The following AKR1C2 variants were observed in gnomAD, a reference collection of about 807,000 sequenced individuals.
AKR1C2 encodes 3-alpha-HSD3.
AKR1C2 carries 27 observed loss-of-function variants against 39.8 expected under a neutral mutation model. The ratio of observed to expected loss-of-function variants is 0.68; its 90% CI spans 0.50 to 0.93. AKR1C2 has a LOEUF of 0.93. Among genes scored for constraint, AKR1C2 ranks in the 40% least tolerant of loss-of-function variants. The pLI is 0.00. For missense variants in AKR1C2, 263 were observed against 365.1 expected, an observed-to-expected ratio of 0.72 and a Z score of 2.28; for synonymous variants, 114 against 137.9, an observed-to-expected ratio of 0.83 and a Z score of 1.22.
chr10:4,994,640 C>T (rs1365175560), intron 7 of AKR1C2, among the ~76,000 whole-genome samples: 2 of 151,624 alleles, frequency 1.3e-5, no homozygotes, highest in Non-Finnish European at 2.9e-5. Flanking sequence ...GGGGCACTCA[C>T]ACAGATGCCC....
At chr10:4,999,125 T>G (rs1554773505) in intron 4 of AKR1C2, 75 bp downstream of exon 4, 1 of 1,357,948 alleles carries the variant, frequency 7.4e-7, no homozygotes, top group African/African-American at 1.5e-5. Context: ...TTTTCCATAC[T>G]TGTACTAAGA....
upstream of AKR1C2, among the ~76,000 whole-genome samples, chr10:5,007,886 G>C (rs1447750355): frequency 6.6e-6 from 1 of 151,492 alleles, no homozygotes; most frequent in Non-Finnish European, 1.5e-5. Context: ...AGAAGAGGAA[G>C]AGGCTTCATG....
upstream of AKR1C2, among the ~76,000 whole-genome samples, chr10:5,007,754 G>A (rs1443816364): frequency 6.6e-6 from 1 of 151,502 alleles, no homozygotes; most frequent in Non-Finnish European, 1.5e-5. Context: ...TGAGATCCAA[G>A]AAAAATTTCT....
At chr10:5,009,147 A>G (rs1462267263) in intron 1 of AKR1C2, among the ~76,000 whole-genome samples, 1 of 152,178 alleles carries the variant, frequency 6.6e-6, no homozygotes, top group Non-Finnish European at 1.5e-5. Flanking sequence ...GAGATGCCTA[A>G]AGCAATATGT....
At position 5,000,681 on chromosome 10, in the gene AKR1C2, G is replaced by A. The variant is rs2131700805; in HGVS notation, c.253-15C>T. 3.1e-6 allele frequency: 5 copies of A among 1,604,540 alleles called. No individual in the cohort carries two copies. The East Asian group carries it at 8.9e-5, about 29-fold the overall frequency. On this transcript the variant is annotated splice_polypyrimidine_tract_variant and intron_variant, in intron 2 of 8. Coordinates refer to ENST00000380753, the MANE Select transcript of AKR1C2 (RefSeq NM_001393392.1). ...TTGCTCCAAAGCTGCAGAGGTTAGA[G>A]AAACGAAGTTGTGTAATGAAAACTT...
rs1837013690 is a variant in AKR1C2 at position 4,995,805 on chromosome 10, T to G, written c.631A>C (p.Ile211Leu). 4.3e-6 allele frequency: 7 copies of G among 1,612,518 alleles called. No individual in the cohort carries two copies. The change falls in exon 6 of 9, where the codon ATT becomes CTT. Residue 211 changes from isoleucine (I) to leucine (L), a missense_variant. Physicochemically the swap from Ile to Leu is conservative, Grantham distance 5. Transcript: ENST00000380753. ...KLLDFCKSKD[I>L]VLVAYSALGS... ...AGAGCACTATAGGCAACCAGAACAA[T>G]GTCTTTTGACTTGCAGAAATCCAGC...
upstream of AKR1C2, among the ~76,000 whole-genome samples, chr10:5,007,138 C>T (rs1837423658): frequency 6.8e-6 from 1 of 147,084 alleles, no homozygotes; most frequent in Non-Finnish European, 1.5e-5. Context: ...GAGTTCATTG[C>T]CATTAGAACT....
At chr10:5,007,814 A>G (rs1209158514), upstream of AKR1C2, among the ~76,000 whole-genome samples, 9 of 151,940 alleles carry the variant, frequency 5.9e-5, no homozygotes, top group Non-Finnish European at 1.3e-4. Flanking sequence ...CTTCCAAATT[A>G]CAATGGTTTT....
upstream of AKR1C2, among the ~76,000 whole-genome samples, chr10:5,007,767 C>T (rs781924168): frequency 4.6e-5 from 7 of 151,454 alleles, no homozygotes; most frequent in African/African-American, 7.3e-5. Context: ...AAATTTCTAC[C>T]GGCTATGAGC....
upstream of AKR1C2, among the ~76,000 whole-genome samples, chr10:5,005,773 T>C (rs1554774334): frequency 6.6e-6 from 1 of 152,112 alleles, no homozygotes; most frequent in East Asian, 1.9e-4. Flanking sequence ...TCCTGAAGAA[T>C]CACAGGCATT....
chr10:5,007,014 C>T (rs1380218797), upstream of AKR1C2, among the ~76,000 whole-genome samples: 10 of 148,012 alleles, frequency 6.8e-5, no homozygotes, highest in Admixed American at 1.4e-4. Context: ...CCTTGTGATC[C>T]GCCCACCTTG....
chr10:5,016,546 C>T (rs1349065189), intron 1 of AKR1C2, among the ~76,000 whole-genome samples: 1 of 152,226 alleles, frequency 6.6e-6, no homozygotes, highest in Admixed American at 6.5e-5. Flanking sequence ...GGCAGCTCTA[C>T]CTCTGTGGCT....
chr10:4,998,821 G>A lies in AKR1C2; in HGVS notation c.448-74C>T, dbSNP rs1837155844. On this transcript the variant is annotated intron_variant, in intron 4 of 8. Transcript: ENST00000380753. ...CAAGATAAATGTAACATAGAACTGT[G>A]AAAGCAACAACTGTCTAGACGTGAC... 1.1e-5 allele frequency: 17 copies of A among 1,593,846 alleles called. No homozygotes were observed. In the South Asian group the frequency reaches 1.8e-4, roughly 17 times the overall value.
rs1337222323 is a variant in AKR1C2, at chr10:5,000,562, T to A, written c.357A>T (p.Pro119=). 1.8e-5 allele frequency: 29 copies of A among 1,613,862 alleles called. No homozygotes were observed. The highest frequency in any genetic ancestry group is 2.5e-5 in the Non-Finnish European group (29 of 1,179,908). Residue 119 remains proline, a synonymous_variant, in exon 3 of 9, where the codon CCA becomes CCT. Coordinates refer to ENST00000380753, the MANE Select transcript of AKR1C2 (RefSeq NM_001393392.1). ...DYVDLYLIHF[P]VSVKPGEEVI... is the part of the protein sequence containing the mutation. ...ACAAGCTGCCTACCTTTACAGACAC[T>A]GGAAAATGAATAAGATAGAGGTCAA...
chr10:5,006,857 C>A (rs2131717323), upstream of AKR1C2, among the ~76,000 whole-genome samples: 1 of 151,414 alleles, frequency 6.6e-6, no homozygotes, highest in East Asian at 1.9e-4. Context: ...TCACTGCAAT[C>A]TCTTTCTCCC....
At chr10:5,005,303 T>A (rs1837377646), upstream of AKR1C2, among the ~76,000 whole-genome samples, 1 of 152,308 alleles carries the variant, frequency 6.6e-6, no homozygotes, top group Non-Finnish European at 1.5e-5. Flanking sequence ...GCCGCACATA[T>A]AAGTTAATGA....
In AKR1C2 at chr10:5,013,789, C is replaced by T. The variant is rs1341834830; in HGVS notation, c.-88+4111G>A. Among the ~76,000 whole-genome samples, 9 of 152,298 alleles carry T rather than the reference C, an allele frequency of 5.9e-5. No individual in the cohort carries two copies. In the East Asian group the frequency reaches 1.3e-3, roughly 23 times the overall value. On this transcript the variant is annotated intron_variant, in intron 1 of 6. Transcript: ENST00000604507. ...AAGTCCATCAACCTTATTGAGCAAG[C>T]ATCACCAGTATACATATATTACAAT...
intron 2 of AKR1C2, 138 bp from the exon 3 acceptor site, chr10:5,000,804 A>T: frequency 1.4e-6 from 1 of 709,834 alleles, no homozygotes; most frequent in Non-Finnish European, 2.4e-6. Flanking sequence ...TCTTCTTGTG[A>T]TGCCTTTTGT....
chr10:5,003,146 A>G (rs1281958717), intron 1 of AKR1C2, among the ~76,000 whole-genome samples: 4 of 152,070 alleles, frequency 2.6e-5, no homozygotes, highest in African/African-American at 9.7e-5. Flanking sequence ...ATATTTTGAT[A>G]CAAATCTGAC....
Sources: allele counts gnomAD v4.1 joint callset (sites outside exome capture counted in the v4.1 genomes callset), GRCh38; gene constraint gnomAD v4.1.1; transcripts MANE v1.5; gene names NCBI Gene and HGNC (gene_info 2026-07-23, HGNC 2026-07-21).